The following CUL4A variants were observed in gnomAD, a reference collection of about 807,000 sequenced individuals.
The protein encoded by CUL4A is cullin-4A.
Under a neutral mutation model 95.5 loss-of-function variants are expected in CUL4A, and 16 were observed. That is an observed-to-expected ratio of 0.17 (90% CI 0.11 to 0.25). The LOEUF (loss-of-function observed/expected upper bound fraction) is 0.25. Ranked by LOEUF, CUL4A falls within the 10% of genes least tolerant of loss-of-function variation. CUL4A has a pLI of 1.00. For missense variants in CUL4A, 610 were observed against 937.0 expected (o/e 0.65, Z 4.56); for synonymous variants, 380 against 353.1 (o/e 1.08, Z -0.85).
At chr13:113,245,884 G>A in intron 14 of CUL4A, 72 bp from the exon 15 acceptor site, 1 of 1,108,798 alleles carries the variant, frequency 9.0e-7, no homozygotes, top group Non-Finnish European at 1.3e-6. Context: ...AAATTACACG[G>A]TTTATTTTGT....
chr13:113,209,525 C>CGGG, upstream of CUL4A: 1 of 670,626 alleles, frequency 1.5e-6, no homozygotes, highest in Non-Finnish European at 1.8e-6. Context: ...CGGGGCGGGG[C>CGGG]GCGCGAGGAG....
rs1473201736 is a variant in CUL4A at position 113,233,348 on chromosome 13, T to C, written c.675+9T>C. ...TGCTGTCTGACCTGCAGGTGAGTGC[T>C]GCCTGTGCGGAAGATACCTGGGTAC... On this transcript the variant is annotated intron_variant, in intron 6 of 19. Coordinates refer to ENST00000375440, the MANE Select transcript of CUL4A (RefSeq NM_001008895.4). 1.9e-6 allele frequency: 3 copies of C among 1,611,266 alleles called. No homozygotes were observed. Among genetic ancestry groups the C allele is most frequent in the South Asian group, 2.2e-5 (2 of 90,862 alleles).
At chr13:113,241,909 A>G (rs1013648081) in intron 10 of CUL4A, among the ~76,000 whole-genome samples, 14 of 152,122 alleles carry the variant, frequency 9.2e-5, no homozygotes, top group Admixed American at 5.9e-4. Flanking sequence ...TTTAAATCCA[A>G]TCATTGTATT....
At chr13:113,241,613 C>G (rs755256196) in intron 10 of CUL4A, among the ~76,000 whole-genome samples, 2 of 148,650 alleles carry the variant, frequency 1.3e-5, no homozygotes, top group Non-Finnish European at 3.0e-5. Flanking sequence ...CTCCTGGGTT[C>G]AAGCAGTTCC....
At chr13:113,241,188 A>T (rs2041699429) in intron 10 of CUL4A, among the ~76,000 whole-genome samples, 1 of 152,194 alleles carries the variant, frequency 6.6e-6, no homozygotes, top group African/African-American at 2.4e-5. Context: ...GTTTTTTGCC[A>T]GTGAGACAGT....
At chr13:113,208,618 A>C (rs2040143791), upstream of CUL4A, 1 of 1,607,432 alleles carries the variant, frequency 6.2e-7, no homozygotes, top group African/African-American at 1.3e-5. Flanking sequence ...GTACTGGTTA[A>C]TGGTAATGTG....
At chr13:113,229,414 A>T in intron 4 of CUL4A, 32 bp from the exon 5 acceptor site, 1 of 1,598,536 alleles carries the variant, frequency 6.3e-7, no homozygotes, top group Non-Finnish European at 8.6e-7. Flanking sequence ...AGTAGAATTC[A>T]TAAGTAAATG....
chr13:113,208,243 C>T, upstream of CUL4A: 1 of 1,449,456 alleles, frequency 6.9e-7, no homozygotes, highest in Non-Finnish European at 9.0e-7. Context: ...ACAGCACCGC[C>T]CACAGCGGGC....
At chr13:113,220,370 A>G (rs75155085) in intron 3 of CUL4A, among the ~76,000 whole-genome samples, 1 of 152,230 alleles carries the variant, frequency 6.6e-6, no homozygotes, top group Non-Finnish European at 1.5e-5. Flanking sequence ...CCTAAAGATC[A>G]TGAGGTCGTT....
chr13:113,239,500 G>A lies in CUL4A; in HGVS notation c.984G>A (p.Arg328=), dbSNP rs2041644385. 6.2e-7 allele frequency: 1 copy of A among 1,613,702 alleles called. No homozygotes were observed. The highest frequency in any genetic ancestry group is 8.5e-7 in the Non-Finnish European group (1 of 1,179,922). The change falls in exon 10 of 20, where the codon CGG becomes CGA. Residue 328 remains arginine, a synonymous_variant. Transcript: ENST00000375440. ...DLAQMYQLFS[R]VRGGQQALLQ... ...CACAGATGTACCAGCTGTTCAGCCG[G>A]GTGAGGGGCGGGCAGCAGGCGCTGC...
intron 4 of CUL4A, among the ~76,000 whole-genome samples, 193 bp from the exon 5 acceptor site, chr13:113,229,253 A>G (rs879746502): frequency 3.3e-5 from 5 of 152,252 alleles, no homozygotes; most frequent in Non-Finnish European, 5.9e-5. Context: ...TCAGATTTAC[A>G]ATATTAAAGA....
chr13:113,233,942 T>C lies in CUL4A; in HGVS notation c.721T>C (p.Cys241Arg), dbSNP rs1595386966. The C allele has an allele frequency of 1.2e-6, 2 of 1,612,066 alleles. No homozygotes were observed. The highest frequency in any genetic ancestry group is 1.6e-4 in the Middle Eastern group (1 of 6,062). Residue 241 changes from cysteine to arginine, a missense_variant, in exon 7 of 20, where the codon TGC becomes CGC. This residue lies in a region of CUL4A where 97 missense variants were observed against 100.3 expected (regional missense o/e 0.97). Transcript: ENST00000375440. ...ACTGAAATTTTTGGAAGAGACTAAT[T>C]GCTTATATGCTGCCGAAGGCCAAAG... ...FELKFLEETN[C>R]LYAAEGQRLM...
chr13:113,210,217 C>G, intron 2 of CUL4A, 129 bp downstream of exon 2: 1 of 562,528 alleles, frequency 1.8e-6, no homozygotes, highest in Non-Finnish European at 2.9e-6. Flanking sequence ...GCCTCCACTG[C>G]AGGGCCGGGA....
upstream of CUL4A, chr13:113,209,560 G>A: frequency 2.2e-6 from 2 of 905,672 alleles, no homozygotes; most frequent in Non-Finnish European, 2.6e-6. Context: ...CGCGCGGACC[G>A]GGGCGGGCGG....
At chr13:113,237,455 G>A (rs1363992323) in intron 9 of CUL4A, among the ~76,000 whole-genome samples, 1 of 152,228 alleles carries the variant, frequency 6.6e-6, no homozygotes. Flanking sequence ...AGTGGTGGCA[G>A]TACCTGGCCA....
At chr13:113,230,369 A>G (rs1183892970) in intron 5 of CUL4A, among the ~76,000 whole-genome samples, 2 of 152,190 alleles carry the variant, frequency 1.3e-5, no homozygotes, top group Non-Finnish European at 2.9e-5. Context: ...AAATCCAGCA[A>G]GCATTTTTGT....
At chr13:113,213,629 A>ACT (rs1233335747) in intron 2 of CUL4A, among the ~76,000 whole-genome samples, 1 of 152,232 alleles carries the variant, frequency 6.6e-6, no homozygotes, top group Non-Finnish European at 1.5e-5. Context: ...AGGCGGAATT[A>ACT]CTTTGCAACA....
intron 19 of CUL4A, among the ~76,000 whole-genome samples, chr13:113,261,425 G>A (rs1367294108): frequency 6.6e-6 from 1 of 152,120 alleles, no homozygotes; most frequent in East Asian, 1.9e-4. Context: ...TTCCATCAAG[G>A]GAATAAAGTT....
rs1313887239 is a variant in CUL4A, at chr13:113,244,512, A to G, written c.1331A>G (p.His444Arg). The G allele has an allele frequency of 6.2e-7, 1 of 1,609,602 alleles. No homozygotes were observed. The highest frequency in any genetic ancestry group is 8.5e-7 in the Non-Finnish European group (1 of 1,177,250). The change falls in exon 12 of 20, where the codon CAC becomes CGC. Residue 444 changes from histidine (H) to arginine (R), a missense_variant and splice_region_variant. Around this residue, in one of 10 missense-constraint regions of CUL4A, gnomAD observed 12 missense variants for 70.1 expected, o/e 0.17. Coordinates refer to ENST00000375440, the MANE Select transcript of CUL4A (RefSeq NM_001008895.4). ...DKIMILFRFI[H>R]GKDVFEAFYK... ...ATCATGATCCTGTTCAGGTTTATCC[A>G]CGGTGAGACTCGGGCACTCAGAAAA...
Sources: gnomAD v4.1 joint callset for allele counts (sites outside exome capture counted in the v4.1 genomes callset) on GRCh38, gnomAD v4.1.1 for gene constraint, gnomAD v4.1.1 regional missense constraint, MANE v1.5 for transcripts, NCBI Gene and HGNC (gene_info 2026-07-23, HGNC 2026-07-21) for gene names.